Variants in FAS observed in about 807,000 individuals in gnomAD.
FAS encodes the protein Fas cell surface death receptor.
FAS carries 5 observed loss-of-function variants against 33.2 expected under a neutral mutation model. The ratio of observed to expected loss-of-function variants is 0.15; its 90% CI spans 0.08 to 0.32. The LOEUF (loss-of-function observed/expected upper bound fraction) is 0.32, where lower values mean the gene tolerates loss of function less well. Ranked by LOEUF, FAS falls within the 10% of genes least tolerant of loss-of-function variation. The pLI is 1.00. For synonymous variants in FAS, 131 were observed against 130.7 expected (o/e 1.00, Z -0.01); for missense variants, 339 against 386.0 (o/e 0.88, Z 1.02).
At chr10:88,994,832 ATTAC>A (rs1409692983) in intron 1 of FAS, among the ~76,000 whole-genome samples, 2 of 151,012 alleles carry the variant, frequency 1.3e-5, no homozygotes, top group African/African-American at 4.8e-5. Flanking sequence ...TTTTTAATTT[ATTAC>A]TTATTTTTAT....
chr10:88,997,246 C>T (rs778151670), intron 1 of FAS, among the ~76,000 whole-genome samples: 22 of 152,200 alleles, frequency 1.4e-4, no homozygotes, highest in Admixed American at 2.6e-4. Flanking sequence ...ATGTAGGGGC[C>T]TTAGCACTTT....
chr10:89,007,334 A>C (rs1479496943), intron 2 of FAS, among the ~76,000 whole-genome samples: 1 of 152,248 alleles, frequency 6.6e-6, no homozygotes, highest in East Asian at 1.9e-4. Flanking sequence ...AGTAACAGCT[A>C]TCCCCACTCT....
rs1414484937 is a variant in FAS, at chr10:88,978,534, C to G, written n.260+5187C>G. Among the ~76,000 whole-genome samples the G allele has an allele frequency of 2.6e-5, 4 of 152,200 alleles. No homozygotes were observed. The East Asian group carries it at 7.7e-4, about 29-fold the overall frequency. ...TGCTCAGCCTTTCATCACCCCTGCT[C>G]TGACCTGTTGGAAAGTGGTAAGAGA... On this transcript the variant is annotated intron_variant and non_coding_transcript_variant, in intron 2 of 3. Transcript: ENST00000688239.
intron 3 of FAS, among the ~76,000 whole-genome samples, chr10:89,008,526 A>G (rs1479734942): frequency 1.3e-5 from 2 of 152,166 alleles, no homozygotes; most frequent in Non-Finnish European, 2.9e-5. Context: ...GGACCTTGGT[A>G]TTGGCCTGAT....
chr10:88,999,131 C>T (rs1847774193), intron 1 of FAS, among the ~76,000 whole-genome samples: 1 of 144,166 alleles, frequency 6.9e-6, no homozygotes, highest in African/African-American at 2.5e-5. Context: ...TCCAGCCTGG[C>T]AACAGAGCGA....
At chr10:88,975,498 G>C (rs1048918837) in intron 2 of FAS, among the ~76,000 whole-genome samples, 15 of 152,092 alleles carry the variant, frequency 9.9e-5, no homozygotes, top group African/African-American at 3.6e-4. Flanking sequence ...AATACGTAAA[G>C]AATCAGGTGG....
Position 89,009,749 on chromosome 10 carries a change from C to G in FAS, c.443+752C>G, listed in dbSNP as rs561671159. On this transcript the variant is annotated intron_variant, in intron 4 of 8. Coordinates refer to ENST00000652046, the MANE Select transcript of FAS (RefSeq NM_000043.6). ...GTTGTCCCAGGCTCTCCCCTGGCCA[C>G]AAGTGTCTGAGAGTGCCCCTATGAT... Among the ~76,000 whole-genome samples, 11 of 152,320 alleles carry G rather than the reference C, an allele frequency of 7.2e-5. No individual in the cohort carries two copies. The South Asian group carries it at 2.3e-3, about 32-fold the overall frequency.
chr10:88,999,142 G>T lies in FAS; in HGVS notation c.31-3887G>T, dbSNP rs182013098. 8.3e-5 allele frequency among the ~76,000 whole-genome samples: 12 copies of T among 145,224 alleles called. No homozygotes were observed. In the East Asian group the frequency reaches 2.2e-3, roughly 26 times the overall value. The stretch of plus-strand genomic sequence containing the variant: ...CACCTCCAGCCTGGCAACAGAGCGA[G>T]ACTCCGTCTCAAAAAAATAAATAAA... On this transcript the variant is annotated intron_variant, in intron 1 of 8. Transcript: ENST00000652046.
At chr10:88,976,630 A>T (rs1384967550) in intron 2 of FAS, among the ~76,000 whole-genome samples, 1 of 152,260 alleles carries the variant, frequency 6.6e-6, no homozygotes, top group East Asian at 1.9e-4. Context: ...CATAATCAGC[A>T]GCAATTCAAT....
upstream of FAS, among the ~76,000 whole-genome samples, chr10:88,987,695 C>G (rs954503420): frequency 6.6e-6 from 1 of 151,992 alleles, no homozygotes; most frequent in Non-Finnish European, 1.5e-5. Flanking sequence ...GTCACATTTC[C>G]CACCCACTAC....
Position 89,008,883 on chromosome 10 carries a change from T to C in FAS, c.335-6T>C, listed in dbSNP as rs1270319216. The C allele has an allele frequency of 6.2e-7, 1 of 1,613,598 alleles. No homozygotes were observed. Among genetic ancestry groups the C allele is most frequent in the Non-Finnish European group, 8.5e-7 (1 of 1,179,616 alleles). ...ATAACTAATAGTTTCCAAACTGATT[T>C]TCTAGGCTTAGAAGTGGAAATAAAC... On this transcript the variant is annotated splice_region_variant and splice_polypyrimidine_tract_variant and intron_variant, in intron 3 of 8. Transcript: ENST00000652046.
At position 89,016,126 on chromosome 10, in the gene FAS, T is replaced by C. The variant is rs561347549; in HGVS notation, c.*1676T>C. ...TTTCCTGCATATTATCCATTCTAGC[T>C]ACATGCTGGCCAGTGGGCCACCTTT... On this transcript the variant is annotated 3_prime_UTR_variant, in exon 9 of 9. Coordinates refer to ENST00000652046, the MANE Select transcript of FAS (RefSeq NM_000043.6). 19 of 223,150 alleles carry C rather than the reference T, an allele frequency of 8.5e-5. No individual in the cohort carries two copies. In the Admixed American group the frequency reaches 9.0e-4, roughly 11 times the overall value. 13.8% of individuals were successfully genotyped at this position (223,150 alleles called of 1,614,324 possible). A position where few individuals can be genotyped will look rare whatever the true frequency, so the allele number is the denominator to read the frequency against.
In FAS at chr10:88,997,180, C is replaced by T. The variant is rs117578788; in HGVS notation, c.31-5849C>T. 6.9e-3 allele frequency among the ~76,000 whole-genome samples: 1,050 copies of T among 152,320 alleles called. 10 individuals carry two copies. Among genetic ancestry groups the T allele is most frequent in the Non-Finnish European group, 0.011 (724 of 68,036 alleles). On this transcript the variant is annotated intron_variant, in intron 1 of 8. Transcript: ENST00000652046. ...CTAGTTGCCCTGCAACTGTGATGAA[C>T]CTCAAAATCACCAAGGGTACTTCCC...
chr10:88,972,515 C>T (rs1846470874), intron 1 of FAS, among the ~76,000 whole-genome samples: 1 of 151,678 alleles, frequency 6.6e-6, no homozygotes, highest in Non-Finnish European at 1.5e-5. Flanking sequence ...TTTTGTTGTT[C>T]TCTTTCTTCT....
At chr10:89,002,841 T>G in intron 1 of FAS, 188 bp from the exon 2 acceptor site, 8 of 619,298 alleles carry the variant, frequency 1.3e-5, no homozygotes, top group East Asian at 8.9e-5. Context: ...TTGAAGAACC[T>G]GAGATCCAAA....
rs547636364 is a variant in FAS, at chr10:89,002,743, A to G, written c.31-286A>G. On this transcript the variant is annotated intron_variant, in intron 1 of 8. Transcript: ENST00000652046. The stretch of plus-strand genomic sequence containing the variant: ...AGACTTGGAGAATGTAAGTGATTTT[A>G]CCCACAAACACAGGGCAGTAAGTGG... The G allele has an allele frequency of 1.6e-3, 656 of 420,718 alleles. 1 individual carries two copies. Among genetic ancestry groups the G allele is most frequent in the Non-Finnish European group, 2.5e-3 (559 of 224,332 alleles). The allele number at this position is 420,718 out of a possible 1,614,324, so 26.1% of individuals were successfully genotyped here. A position where few individuals can be genotyped will look rare whatever the true frequency, so the allele number is the denominator to read the frequency against.
chr10:88,976,353 T>TATAATTAATAACATA (rs1221715786), intron 2 of FAS, among the ~76,000 whole-genome samples: 1 of 152,224 alleles, frequency 6.6e-6, no homozygotes, highest in Non-Finnish European at 1.5e-5. Flanking sequence ...AATTAATATA[T>TATAATTAATAACATA]TGATATTATC....
At chr10:89,000,876 G>A (rs576819299) in intron 1 of FAS, among the ~76,000 whole-genome samples, 89 of 151,346 alleles carry the variant, frequency 5.9e-4, no homozygotes, top group African/African-American at 2.1e-3. Context: ...GTGAAATGCC[G>A]TCTCTACTAA....
intron 2 of FAS, among the ~76,000 whole-genome samples, chr10:89,007,012 C>T (rs1239246084): frequency 6.6e-6 from 1 of 152,110 alleles, no homozygotes; most frequent in African/African-American, 2.4e-5. Context: ...AGTACATATC[C>T]TGTCTTTTGA....
Sources: gnomAD v4.1 joint callset for allele counts (sites outside exome capture counted in the v4.1 genomes callset) on GRCh38, gnomAD v4.1.1 for gene constraint, MANE v1.5 for transcripts, NCBI Gene and HGNC (gene_info 2026-07-23, HGNC 2026-07-21) for gene names.